The following NFATC3 variants were observed in gnomAD, a reference collection of about 807,000 sequenced individuals.
NFATC3 encodes nuclear factor of activated T cells 3.
In NFATC3, 46 loss-of-function variants were observed where a neutral mutation model predicts 98.6. That is an observed-to-expected ratio of 0.47 (90% CI 0.37 to 0.60). The LOEUF is 0.60. Among genes scored for constraint, NFATC3 ranks in the 20% least tolerant of loss-of-function variants. The pLI, the probability that NFATC3 is intolerant of heterozygous loss-of-function variation, is 0.00. For missense variants in NFATC3, 1,256 were observed against 1,295.5 expected (o/e 0.97, Z 0.47); for synonymous variants, 512 against 472.2 (o/e 1.08, Z -1.09).
Position 68,227,970 on chromosome 16 carries a change from GGTTGAAGGCCTGATGCT to G in NFATC3, c.*1503_*1519del, listed in dbSNP as rs2042068454. The G allele has an allele frequency of 6.6e-6, 1 of 152,096 alleles. No homozygotes were observed. The highest frequency in any genetic ancestry group is 2.4e-5 in the African/African-American group (1 of 41,398). 9.4% of individuals were successfully genotyped at this position (152,096 alleles called of 1,614,324 possible). ...GTGCCTATATGTGAGACAGTGTGCT[GGTTGAAGGCCTGATGCT>G]GTTATTCCAGGAGACTGCAGGCCCT... On this transcript the variant is annotated 3_prime_UTR_variant, in exon 10 of 10. Transcript: ENST00000346183.
At chr16:68,097,256 A>G (rs577675043) in intron 1 of NFATC3, among the ~76,000 whole-genome samples, 2 of 152,242 alleles carry the variant, frequency 1.3e-5, no homozygotes, top group African/African-American at 2.4e-5. Flanking sequence ...ATAGTGGTGA[A>G]CAAGACATGG....
intron 2 of NFATC3, among the ~76,000 whole-genome samples, chr16:68,125,280 A>G (rs1276804306): frequency 6.6e-6 from 1 of 152,204 alleles, no homozygotes; most frequent in Non-Finnish European, 1.5e-5. Flanking sequence ...GGCTGAGGAC[A>G]TGGAAGGAAA....
chr16:68,086,679 T>C (rs1456400544), intron 1 of NFATC3: 1 of 985,320 alleles, frequency 1.0e-6, no homozygotes, highest in Non-Finnish European at 1.2e-6. Context: ...TAATCCCTAT[T>C]TTTTCTTGCC....
intron 1 of NFATC3, among the ~76,000 whole-genome samples, chr16:68,107,582 G>A (rs1327483636): frequency 6.6e-6 from 1 of 152,080 alleles, no homozygotes; most frequent in African/African-American, 2.4e-5. Flanking sequence ...AATTAGCTGG[G>A]CATTGTGGTG....
At position 68,098,397 on chromosome 16, in the gene NFATC3, G is replaced by A. The variant is rs1432741002; in HGVS notation, c.103+12613G>A. Among the ~76,000 whole-genome samples, 4 of 146,494 alleles carry A rather than the reference G, an allele frequency of 2.7e-5. No homozygotes were observed. The East Asian group carries it at 8.0e-4, about 29-fold the overall frequency. On this transcript the variant is annotated intron_variant, in intron 1 of 9. Transcript: ENST00000346183. ...CTCACTGCAACCTCCCAACTCCCTC[G>A]TTCAAGTTGTTCTCCTGCCTCAGCC...
At chr16:68,147,243 A>C (rs1451647479) in intron 3 of NFATC3, among the ~76,000 whole-genome samples, 1 of 152,146 alleles carries the variant, frequency 6.6e-6, no homozygotes, top group African/African-American at 2.4e-5. Context: ...ATGTTATTTG[A>C]TATCTGGATA....
intron 1 of NFATC3, among the ~76,000 whole-genome samples, chr16:68,104,073 C>G (rs887723799): frequency 6.6e-6 from 1 of 152,138 alleles, no homozygotes; most frequent in Non-Finnish European, 1.5e-5. Context: ...TTCCATTTCT[C>G]TAGAAAAGCC....
chr16:68,131,610 A>G (rs950128191), intron 3 of NFATC3, among the ~76,000 whole-genome samples: 59 of 152,096 alleles, frequency 3.9e-4, no homozygotes, highest in African/African-American at 1.4e-3. Flanking sequence ...ACAAAATTTT[A>G]AAAGAAACAA....
intron 2 of NFATC3, 37 bp from the exon 3 acceptor site, chr16:68,126,411 G>A (rs748547594): frequency 1.4e-5 from 22 of 1,583,032 alleles, no homozygotes; most frequent in Admixed American, 5.2e-5. Context: ...GGCAATAATA[G>A]CATGGTGACA....
chr16:68,170,341 G>C (rs1190376607), intron 5 of NFATC3, among the ~76,000 whole-genome samples: 2 of 134,554 alleles, frequency 1.5e-5, no homozygotes, highest in Non-Finnish European at 3.1e-5. Flanking sequence ...AGTGAGCCGA[G>C]ATCATGCCGT....
intron 5 of NFATC3, among the ~76,000 whole-genome samples, chr16:68,170,060 A>C (rs1387953752): frequency 6.6e-6 from 1 of 152,024 alleles, no homozygotes; most frequent in East Asian, 1.9e-4. Context: ...ATAAATAAAA[A>C]ATAAAAATAA....
intron 4 of NFATC3, among the ~76,000 whole-genome samples, chr16:68,161,527 C>T (rs2038893740): frequency 6.6e-6 from 1 of 152,176 alleles, no homozygotes; most frequent in South Asian, 2.1e-4. Context: ...CACACAAACA[C>T]AGTCCTTTCA....
chr16:68,160,882 G>T (rs1303552624), intron 4 of NFATC3, among the ~76,000 whole-genome samples: 1 of 151,992 alleles, frequency 6.6e-6, no homozygotes, highest in Non-Finnish European at 1.5e-5. Context: ...ACAGGGTTTT[G>T]CCATGTTGAC....
chr16:68,221,211 A>G (rs2041850709), intron 9 of NFATC3: 3 of 1,614,026 alleles, frequency 1.9e-6, no homozygotes, highest in African/African-American at 1.3e-5. Flanking sequence ...TTTACCAGTA[A>G]TAATTTTGAC....
At chr16:68,121,898 A>C in intron 1 of NFATC3, 89 bp from the exon 2 acceptor site, 2 of 1,411,644 alleles carry the variant, frequency 1.4e-6, no homozygotes, top group Non-Finnish European at 1.9e-6. Flanking sequence ...GATTGTTATT[A>C]TTTACTTTCT....
intron 3 of NFATC3, among the ~76,000 whole-genome samples, chr16:68,153,726 G>C (rs1337952112): frequency 6.6e-6 from 1 of 152,010 alleles, no homozygotes; most frequent in Non-Finnish European, 1.5e-5. Flanking sequence ...CCATTCTCCT[G>C]CCTCAGCCTC....
chr16:68,168,844 C>G (rs4359427), intron 5 of NFATC3, among the ~76,000 whole-genome samples: 1 of 152,006 alleles, frequency 6.6e-6, no homozygotes, highest in Non-Finnish European at 1.5e-5. Flanking sequence ...TTTTGCTGTT[C>G]GCTGAATTGG....
chr16:68,156,428 C>CA (rs2038621709), intron 3 of NFATC3, among the ~76,000 whole-genome samples: 2 of 152,174 alleles, frequency 1.3e-5, no homozygotes, highest in Admixed American at 1.3e-4. Flanking sequence ...CAACAATCTT[C>CA]AACAAAATGC....
At chr16:68,092,979 T>C (rs1018716308) in intron 1 of NFATC3, among the ~76,000 whole-genome samples, 2 of 152,226 alleles carry the variant, frequency 1.3e-5, no homozygotes, top group African/African-American at 4.8e-5. Context: ...TTTCTCTTCG[T>C]ATTTTCTCCT....
Sources: allele counts gnomAD v4.1 joint callset (sites outside exome capture counted in the v4.1 genomes callset), GRCh38; gene constraint gnomAD v4.1.1; transcripts MANE v1.5; gene names NCBI Gene and HGNC (gene_info 2026-07-23, HGNC 2026-07-21).